Variants in WDR86 observed in about 807,000 individuals in gnomAD.
WDR86 encodes WD repeat domain 86, also known as WD repeat-containing protein 86.
Under a neutral mutation model 36.5 loss-of-function variants are expected in WDR86, and 30 were observed. The observed-to-expected ratio is 0.82, with a 90% CI of 0.61 to 1.11. The LOEUF (loss-of-function observed/expected upper bound fraction) is 1.11, where lower values mean the gene tolerates loss of function less well. Ranked by LOEUF, WDR86 falls within the 50% of genes most tolerant of loss-of-function variation. WDR86 has a pLI of 0.00. For missense variants in WDR86, 545 were observed against 561.2 expected (o/e 0.97, Z 0.29); for synonymous variants, 255 against 252.9 (o/e 1.01, Z -0.08).
At chr7:151,410,102 C>A, upstream of WDR86, 1 of 984,368 alleles carries the variant, frequency 1.0e-6, no homozygotes, top group Non-Finnish European at 1.2e-6. Context: ...CGGGCTGCGC[C>A]CCAGCCCCCA....
downstream of WDR86, among the ~76,000 whole-genome samples, chr7:151,373,349 G>A (rs1352180698): frequency 6.6e-6 from 1 of 152,208 alleles, no homozygotes; most frequent in Non-Finnish European, 1.5e-5. Flanking sequence ...CTTTTTAAAT[G>A]ACATTTTTAT....
intron 1 of WDR86, among the ~76,000 whole-genome samples, chr7:151,404,221 G>A (rs1461734438): frequency 1.3e-5 from 2 of 148,922 alleles, no homozygotes; most frequent in African/African-American, 2.4e-5. Flanking sequence ...ATGATGAAAG[G>A]AAGGTTTAAA....
At chr7:151,376,744 T>C (rs765929736), downstream of WDR86, 1 of 1,599,448 alleles carries the variant, frequency 6.3e-7, no homozygotes, top group South Asian at 1.1e-5. Context: ...GAAGCCTGCC[T>C]CCCGAGCTGC....
At chr7:151,402,235 G>A (rs1368123028) in intron 1 of WDR86, among the ~76,000 whole-genome samples, 1 of 151,376 alleles carries the variant, frequency 6.6e-6, no homozygotes, top group Non-Finnish European at 1.5e-5. Context: ...GCCAGGAACC[G>A]ACCGTTCCCT....
chr7:151,398,295 TTG>T (rs201183830), intron 2 of WDR86, among the ~76,000 whole-genome samples: 10 of 152,072 alleles, frequency 6.6e-5, no homozygotes, highest in African/African-American at 1.2e-4. Context: ...CATATGTATG[TTG>T]TGTGTATGTG....
intron 1 of WDR86, chr7:151,408,716 C>A (rs1009574319): frequency 2.8e-6 from 1 of 357,296 alleles, no homozygotes; most frequent in Non-Finnish European, 5.7e-6. Flanking sequence ...TGAAAGGGAC[C>A]TCACAGTGCA....
rs1213059760 is a variant in WDR86 at position 151,409,628 on chromosome 7, C to T, written c.-39G>A. The T allele has an allele frequency of 5.3e-6, 7 of 1,328,896 alleles. No individual in the cohort carries two copies. In the Admixed American group the frequency reaches 1.2e-4, roughly 22 times the overall value. 82.3% of individuals were successfully genotyped at this position (1,328,896 alleles called of 1,614,324 possible). On this transcript the variant is annotated 5_prime_UTR_variant, in exon 1 of 6. Transcript: ENST00000334493. This position sits in a 1 kb window ranked among gnomAD's most constrained non-coding sequence, Gnocchi z 5.2. ...CGGGGAACAAGAAGGAGCTGCGCCC[C>T]GCTAGGGAGGGGCGCCCCGGGGTCC...
chr7:151,407,213 G>T (rs1800768278), intron 1 of WDR86, among the ~76,000 whole-genome samples: 1 of 152,232 alleles, frequency 6.6e-6, no homozygotes, highest in Non-Finnish European at 1.5e-5. Flanking sequence ...TAGGGCAGAA[G>T]GTTGGGCACC....
At chr7:151,375,126 C>T (rs960855912), downstream of WDR86, among the ~76,000 whole-genome samples, 1 of 152,190 alleles carries the variant, frequency 6.6e-6, no homozygotes. Context: ...GGGAGTCCAC[C>T]CTGCCTTTGC....
chr7:151,387,870 C>A (rs897987265), intron 3 of WDR86, among the ~76,000 whole-genome samples: 1 of 152,250 alleles, frequency 6.6e-6, no homozygotes, highest in African/African-American at 2.4e-5. Context: ...CTCCACCCCT[C>A]AGCAGATGTG....
rs188216587 is a variant in WDR86 at position 151,384,976 on chromosome 7, G to A, written c.862+112C>T. On this transcript the variant is annotated intron_variant, in intron 4 of 5. Coordinates refer to ENST00000334493, the MANE Select transcript of WDR86 (RefSeq NM_198285.3). ...GAAGGAACGAGCACTGCCATTGGAC[G>A]CTGATGATTGGCAGCCAAGGCTCAA... 118 of 1,191,142 alleles carry A rather than the reference G, an allele frequency of 9.9e-5. 3 individuals are homozygous for A. Among genetic ancestry groups the A allele is most frequent in the East Asian group, 9.4e-4 (38 of 40,628 alleles). The allele number at this position is 1,191,142 out of a possible 1,614,324, so 73.8% of individuals were successfully genotyped here. A position where few individuals can be genotyped will look rare whatever the true frequency, so the allele number is the denominator to read the frequency against.
In WDR86 at chr7:151,390,983, C is replaced by T. The variant is rs926002321; in HGVS notation, c.726+4793G>A. On this transcript the variant is annotated intron_variant, in intron 3 of 5. Coordinates refer to ENST00000334493, the MANE Select transcript of WDR86 (RefSeq NM_198285.3). The surrounding 1 kb of genome is among the most constrained non-coding windows in gnomAD (Gnocchi z 4.5). Reference sequence around the variant, plus strand: ...GGTATGATGCTTGCACAACACTGAACGTGCTTCACGCCCTGAGTAAATGCT... The same window carrying T: ...GGTATGATGCTTGCACAACACTGAATGTGCTTCACGCCCTGAGTAAATGCT... Among the ~76,000 whole-genome samples the T allele has an allele frequency of 2.6e-5, 4 of 152,246 alleles. No individual in the cohort carries two copies. Among genetic ancestry groups the T allele is most frequent in the East Asian group, 1.9e-4 (1 of 5,196 alleles).
chr7:151,376,464 C>A, downstream of WDR86: 1 of 638,722 alleles, frequency 1.6e-6, no homozygotes, highest in Non-Finnish European at 2.6e-6. Context: ...AGCCCCCTTC[C>A]AGGTTGCTCT....
At position 151,381,995 on chromosome 7, in the gene WDR86, G is replaced by T; in HGVS notation, c.863-14C>A. On this transcript the variant is annotated splice_polypyrimidine_tract_variant and intron_variant, in intron 4 of 5. Coordinates refer to ENST00000334493, the MANE Select transcript of WDR86 (RefSeq NM_198285.3). This position sits in a 1 kb window ranked among gnomAD's most constrained non-coding sequence, Gnocchi z 4.8. ...TGCCCGTGAACACTGCGGACACACA[G>T]CGCGCGCTGGGCCTCCCTCCCTGCT... 1 of 1,583,064 alleles carries T rather than the reference G, an allele frequency of 6.3e-7. No individual in the cohort carries two copies. The highest frequency in any genetic ancestry group is 8.6e-7 in the Non-Finnish European group (1 of 1,165,472).
In WDR86 at chr7:151,396,155, T is replaced by G. The variant is rs1199810340; in HGVS notation, c.347A>C (p.Asp116Ala). The G allele has an allele frequency of 6.2e-7, 1 of 1,612,714 alleles. No individual in the cohort carries two copies. The highest frequency in any genetic ancestry group is 8.5e-7 in the Non-Finnish European group (1 of 1,179,860). ...CACACTCCAGACCCGAGCTGTCCGG[T>G]CATAGGAGCTGCTGAAGAGCTGGTT... ...ANNQLFSSSY[D>A]RTARVWSVDK... Residue 116 changes from aspartate (D) to alanine (A), a missense_variant, in exon 3 of 6, where the codon GAC (aspartate) becomes GCC (alanine). By Grantham distance (126) the Asp-to-Ala change is moderately radical. Coordinates refer to ENST00000334493, the MANE Select transcript of WDR86 (RefSeq NM_198285.3).
intron 4 of WDR86, among the ~76,000 whole-genome samples, chr7:151,383,968 G>C (rs934894624): frequency 6.6e-6 from 1 of 152,170 alleles, no homozygotes; most frequent in Non-Finnish European, 1.5e-5. Context: ...TCAATTAGAG[G>C]ACCCAGACTT....
downstream of WDR86, among the ~76,000 whole-genome samples, chr7:151,375,254 C>T (rs6979482): frequency 0.85 from 129,520 of 152,234 alleles, 55,242 homozygotes; most frequent in East Asian, 0.99. Flanking sequence ...TCATCTAGTT[C>T]GTTTTTTTGT....
chr7:151,404,017 A>C (rs1211261557), intron 1 of WDR86, among the ~76,000 whole-genome samples: 1 of 152,220 alleles, frequency 6.6e-6, no homozygotes, highest in Non-Finnish European at 1.5e-5. Context: ...AGCCAAGAAA[A>C]GCACTTAAAA....
downstream of WDR86, chr7:151,376,737 G>A (rs1042854106): frequency 1.9e-6 from 3 of 1,600,680 alleles, no homozygotes; most frequent in Admixed American, 5.2e-5. Flanking sequence ...AACGGAGGAA[G>A]CCTGCCTCCC....
Sources: gnomAD v4.1 joint callset for allele counts (sites outside exome capture counted in the v4.1 genomes callset) on GRCh38, gnomAD v4.1.1 for gene constraint, Gnocchi (gnomAD v3.1) non-coding constraint, MANE v1.5 for transcripts, NCBI Gene and HGNC (gene_info 2026-07-23, HGNC 2026-07-21) for gene names.